Variants in CELSR1 observed in about 807,000 individuals in gnomAD.
CELSR1 encodes the protein cadherin EGF LAG seven-pass G-type receptor 1, also known as adhesion G protein-coupled receptor C1.
A neutral mutation model predicts 249.1 loss-of-function variants in CELSR1; 110 were observed. The ratio of observed to expected loss-of-function variants is 0.44; its 90% CI spans 0.38 to 0.52. The LOEUF is 0.52. Among genes scored for constraint, CELSR1 ranks in the 20% least tolerant of loss-of-function variants. CELSR1 has a pLI of 0.00. For missense variants in CELSR1, 4,109 were observed against 4,296.4 expected, an observed-to-expected ratio of 0.96 and a Z score of 1.22; for synonymous variants, 2,113 against 1,900.0, an observed-to-expected ratio of 1.11 and a Z score of -2.92.
rs376409747 is a variant in CELSR1, at chr22:46,389,284, G to A, written c.6555+6C>T. ...CCCCGAGCCAGGGTGGCGGCCACCC[G>A]CCTACCTCGTGAAAGTCGGCGTCCT... On this transcript the variant is annotated splice_donor_region_variant and intron_variant, in intron 18 of 34. Transcript: ENST00000674500. 2.6e-5 allele frequency: 42 copies of A among 1,603,066 alleles called. No individual in the cohort carries two copies. In the African/African-American group the frequency reaches 3.9e-4, roughly 15 times the overall value.
rs2078760408 is a variant in CELSR1 at position 46,365,599 on chromosome 22, G to C, written c.8391C>G (p.Cys2797Trp). 1.3e-6 allele frequency: 2 copies of C among 1,591,736 alleles called. No homozygotes were observed. The highest frequency in any genetic ancestry group is 1.3e-5 in the African/African-American group (1 of 74,464). ...EPDASLMPRS[C>W]KDPPGHDSDS... ...GGGAAGCCATACCAGGGGGATCCTT[G>C]CAGCTCCTGGGCATGAGGGACGCGT... is the stretch of plus-strand genomic sequence containing the variant. The change falls in exon 31 of 35, where the codon TGC (cysteine) becomes TGG (tryptophan). Residue 2797 changes from cysteine (C) to tryptophan (W), a missense_variant. This residue lies in a region of CELSR1 where 1,805 missense variants were observed against 1,831.6 expected (regional missense o/e 0.99). Transcript: ENST00000674500.
intron 24 of CELSR1, among the ~76,000 whole-genome samples, chr22:46,376,423 G>A (rs2078918767): frequency 6.6e-6 from 1 of 152,132 alleles, no homozygotes; most frequent in African/African-American, 2.4e-5. Flanking sequence ...TGCCCAGGCT[G>A]GAGTGCAGTG....
Position 46,517,505 on chromosome 22 carries a change from C to T in CELSR1, c.3544+16122G>A, listed in dbSNP as rs909676391. ...AACCACAATGGCTGATGTGCACTGT[C>T]CCGGCGCCCCAGGCCGGCTCTTGTC... is the stretch of plus-strand genomic sequence containing the variant. On this transcript the variant is annotated intron_variant, in intron 1 of 34. Coordinates refer to ENST00000674500, the MANE Select transcript of CELSR1 (RefSeq NM_001378328.1). This position sits in a 1 kb window ranked among gnomAD's most constrained non-coding sequence, Gnocchi z 5.4. 4.6e-5 allele frequency among the ~76,000 whole-genome samples: 7 copies of T among 152,316 alleles called. No individual in the cohort carries two copies. The highest frequency in any genetic ancestry group is 1.7e-4 in the African/African-American group (7 of 41,582).
rs535750909 is a variant in CELSR1 at position 46,377,230 on chromosome 22, G to A, written c.7415C>T (p.Thr2472Ile). 3.1e-6 allele frequency: 5 copies of A among 1,614,062 alleles called. No individual in the cohort carries two copies. The South Asian group carries it at 4.4e-5, about 14-fold the overall frequency. The change falls in exon 24 of 35, where the codon ACC becomes ATC. Residue 2472 changes from threonine (T) to isoleucine (I), a missense_variant. Around this residue, in one of 7 missense-constraint regions of CELSR1, gnomAD observed 1,805 missense variants for 1,831.6 expected, o/e 0.99. Transcript: ENST00000674500. Reference sequence around the variant, plus strand: ...CAGTGACAAGGACACAGCGGCATAGGTGACAATCTTCAGAGGCAGGACCTC... The same window carrying A: ...CAGTGACAAGGACACAGCGGCATAGATGACAATCTTCAGAGGCAGGACCTC... ...NGEVLPLKIV[T>I]YAAVSLSLAA...
chr22:46,464,259 G>A lies in CELSR1; in HGVS notation c.3631C>T (p.Leu1211=). Residue 1211 remains leucine (L), a synonymous_variant, in exon 2 of 35, where the codon CTG becomes TTG. Coordinates refer to ENST00000674500, the MANE Select transcript of CELSR1 (RefSeq NM_001378328.1). The surrounding 1 kb of genome is among the most constrained non-coding windows in gnomAD (Gnocchi z 8.5). ...AACTTCTCCTGGGACATGTTCTCCA[G>A]GCGGACAGTGATGCTGTTGGTCAGC... ...DMLTNSITVR[L]ENMSQEKFLS... The A allele has an allele frequency of 2.5e-6, 4 of 1,613,752 alleles. No homozygotes were observed. The highest frequency in any genetic ancestry group is 3.4e-6 in the Non-Finnish European group (4 of 1,180,032).
chr22:46,462,607 C>T (rs886127974), intron 2 of CELSR1, among the ~76,000 whole-genome samples: 20 of 150,012 alleles, frequency 1.3e-4, no homozygotes, highest in African/African-American at 3.7e-4. Context: ...AAGTTATCTC[C>T]GGTATGAACC....
At chr22:46,478,214 C>T (rs1355837613) in intron 1 of CELSR1, among the ~76,000 whole-genome samples, 1 of 152,222 alleles carries the variant, frequency 6.6e-6, no homozygotes, top group Admixed American at 6.5e-5. Context: ...CCCGACAGCG[C>T]CGTCTGGGGC....
intron 1 of CELSR1, among the ~76,000 whole-genome samples, chr22:46,530,706 A>T (rs1006274321): frequency 2.0e-5 from 3 of 152,198 alleles, no homozygotes; most frequent in African/African-American, 7.2e-5. Context: ...GCTACATAAA[A>T]CCACCAACAA....
At position 46,381,846 on chromosome 22, in the gene CELSR1, C is replaced by T. The variant is rs1264300337; in HGVS notation, c.7088G>A (p.Arg2363Gln). Residue 2363 changes from arginine to glutamine, a missense_variant and splice_region_variant, in exon 21 of 35, where the codon CGG becomes CAG. Arg to Gln is a conservative substitution (Grantham distance 43). Coordinates refer to ENST00000674500, the MANE Select transcript of CELSR1 (RefSeq NM_001378328.1). The surrounding 1 kb of genome is among the most constrained non-coding windows in gnomAD (Gnocchi z 6.0). ...ERYDPDRRSL[R>Q]LPHRPIINTP... is the part of the protein sequence containing the mutation. ...CGTGTGCCCCGTGCCCAGGCCTTAC[C>T]GGAGGCTGCGACGGTCGGGGTCGTA... The T allele has an allele frequency of 5.2e-6, 8 of 1,550,088 alleles. No individual in the cohort carries two copies. Among genetic ancestry groups the T allele is most frequent in the East Asian group, 2.4e-5 (1 of 41,540 alleles).
chr22:46,479,300 T>C (rs919881346), intron 1 of CELSR1, among the ~76,000 whole-genome samples: 1 of 152,010 alleles, frequency 6.6e-6, no homozygotes, highest in Non-Finnish European at 1.5e-5. Context: ...TGCTGACTCA[T>C]CTCCAGGGAC....
rs536967631 is a variant in CELSR1, at chr22:46,512,906, G to A, written c.3544+20721C>T. Reference sequence around the variant, plus strand: ...GTCCTCTGCTCCTGAGTGCTGCCCCGGGTGGCCCCGCATGGCAGGCGACGT... The same window carrying A: ...GTCCTCTGCTCCTGAGTGCTGCCCCAGGTGGCCCCGCATGGCAGGCGACGT... On this transcript the variant is annotated intron_variant, in intron 1 of 34. Transcript: ENST00000674500. The surrounding 1 kb of genome is among the most constrained non-coding windows in gnomAD (Gnocchi z 5.2). Among the ~76,000 whole-genome samples, 58 of 152,314 alleles carry A rather than the reference G, an allele frequency of 3.8e-4. 1 individual carries two copies. Among genetic ancestry groups the A allele is most frequent in the African/African-American group, 1.3e-3 (55 of 41,574 alleles).
At chr22:46,491,316 T>A (rs2080365306) in intron 1 of CELSR1, among the ~76,000 whole-genome samples, 1 of 145,982 alleles carries the variant, frequency 6.9e-6, no homozygotes, top group Admixed American at 7.1e-5. Flanking sequence ...CAGGCTGGAA[T>A]GCAGTGGTGC....
Position 46,365,375 on chromosome 22 carries a change from C to T in CELSR1, c.8410G>A (p.Asp2804Asn), listed in dbSNP as rs143915949. ...PRSCKDPPGHDSDSDSELSLD... is the reference protein window; with the variant it reads ...PRSCKDPPGHNSDSDSELSLD... Reference sequence around the variant, plus strand: ...GACAGCTCGCTATCTGAGTCGGAATCGTGGCCTGTGGATGCGCGGGGGACA... The same window carrying T: ...GACAGCTCGCTATCTGAGTCGGAATTGTGGCCTGTGGATGCGCGGGGGACA... The change falls in exon 32 of 35, where the codon GAT (aspartate) becomes AAT (asparagine). Residue 2804 changes from aspartate to asparagine, a missense_variant. Physicochemically the swap from Asp to Asn is conservative, Grantham distance 23 (BLOSUM62 1). Coordinates refer to ENST00000674500, the MANE Select transcript of CELSR1 (RefSeq NM_001378328.1). 8.1e-6 allele frequency: 13 copies of T among 1,612,552 alleles called. No homozygotes were observed. Among genetic ancestry groups the T allele is most frequent in the African/African-American group, 2.7e-5 (2 of 74,936 alleles).
intron 25 of CELSR1, among the ~76,000 whole-genome samples, chr22:46,372,295 A>C (rs1602033152): frequency 1.1e-4 from 8 of 73,110 alleles, no homozygotes; most frequent in Admixed American, 2.7e-4. Flanking sequence ...CCATCCATCC[A>C]CTCGCTCCCC....
chr22:46,500,893 G>A lies in CELSR1; in HGVS notation c.3544+32734C>T, dbSNP rs923922979. Among the ~76,000 whole-genome samples, 6 of 152,088 alleles carry A rather than the reference G, an allele frequency of 3.9e-5. No homozygotes were observed. In the East Asian group the frequency reaches 7.7e-4, roughly 20 times the overall value. ...TGTAAGCACGCCCATGATGGGACCC[G>A]AAAATCAGCCCATTTACATGCCAAG... is the stretch of plus-strand genomic sequence containing the variant. On this transcript the variant is annotated intron_variant, in intron 1 of 34. Transcript: ENST00000674500. This position sits in a 1 kb window ranked among gnomAD's most constrained non-coding sequence, Gnocchi z 4.9.
Position 46,448,235 on chromosome 22 carries a change from A to C in CELSR1, c.4184-8824T>G, listed in dbSNP as rs2079842944. Among the ~76,000 whole-genome samples, 1 of 152,022 alleles carries C rather than the reference A, an allele frequency of 6.6e-6. No individual in the cohort carries two copies. The highest frequency in any genetic ancestry group is 6.5e-5 in the Admixed American group (1 of 15,268). On this transcript the variant is annotated intron_variant, in intron 2 of 34. Transcript: ENST00000674500. The surrounding 1 kb of genome is among the most constrained non-coding windows in gnomAD (Gnocchi z 5.7). Reference sequence around the variant, plus strand: ...AGAGGGTCTCCACATCATTACATGGAGACTCTGGCAGGGGGCTGGACACAA... The same window carrying C: ...AGAGGGTCTCCACATCATTACATGGCGACTCTGGCAGGGGGCTGGACACAA...
At chr22:46,504,254 C>A (rs905036616) in intron 1 of CELSR1, among the ~76,000 whole-genome samples, 4 of 152,020 alleles carry the variant, frequency 2.6e-5, no homozygotes, top group African/African-American at 9.7e-5. Context: ...TGGCTCACAC[C>A]TATAATCCCA....
chr22:46,536,103 C>A lies in CELSR1; in HGVS notation c.1068G>T (p.Ser356=), dbSNP rs775705479. The stretch of plus-strand genomic sequence containing the variant: ...TCTCCCGCACGCGCTCGCGGTACTC[C>A]GACTGCTCGAAGACCGGGCTGTGGT... The part of the protein sequence containing the change: ...TNDHSPVFEQ[S]EYRERVRENL... The change falls in exon 1 of 35, where the codon TCG becomes TCT. Residue 356 remains serine, a synonymous_variant. Coordinates refer to ENST00000674500, the MANE Select transcript of CELSR1 (RefSeq NM_001378328.1). 2 of 1,612,280 alleles carry A rather than the reference C, an allele frequency of 1.2e-6. No homozygotes were observed. The highest frequency in any genetic ancestry group is 1.7e-6 in the Non-Finnish European group (2 of 1,179,996).
At chr22:46,499,107 G>A (rs1264263039) in intron 1 of CELSR1, among the ~76,000 whole-genome samples, 2 of 151,888 alleles carry the variant, frequency 1.3e-5, no homozygotes, top group Non-Finnish European at 2.9e-5. Flanking sequence ...TTGAGCCCGG[G>A]CGATGGCGGT....
Sources: gnomAD v4.1 joint callset for allele counts (sites outside exome capture counted in the v4.1 genomes callset) on GRCh38, gnomAD v4.1.1 for gene constraint, gnomAD v4.1.1 regional missense constraint, Gnocchi (gnomAD v3.1) non-coding constraint, MANE v1.5 for transcripts, NCBI Gene and HGNC (gene_info 2026-07-23, HGNC 2026-07-21) for gene names.